IL1RAPL1: variants seen among roughly 807,000 people sequenced by gnomAD.
The protein encoded by IL1RAPL1 is interleukin 1 receptor accessory protein like 1, also known as interleukin-1 receptor accessory protein-like 1.
IL1RAPL1 carries 3 observed loss-of-function variants against 48.4 expected under a neutral mutation model. The observed-to-expected ratio is 0.06, with a 90% CI of 0.03 to 0.16. IL1RAPL1 has a LOEUF of 0.16. Ranked by LOEUF, IL1RAPL1 falls within the 10% of genes least tolerant of loss-of-function variation. The pLI is 1.00. For missense variants in IL1RAPL1, 349 were observed against 530.6 expected, an observed-to-expected ratio of 0.66 and a Z score of 3.36; for synonymous variants, 185 against 187.7, an observed-to-expected ratio of 0.99 and a Z score of 0.12.
chrX:29,057,574 C>A (rs1281662516), intron 2 of IL1RAPL1, among the ~76,000 whole-genome samples: 1 of 110,706 alleles, frequency 9.0e-6, no homozygotes, highest in East Asian at 2.8e-4. Flanking sequence ...ATTACAGGCA[C>A]CTGCCACCAT....
At chrX:28,925,674 G>T (rs1923723409) in intron 2 of IL1RAPL1, among the ~76,000 whole-genome samples, 2 of 112,020 alleles carry the variant, frequency 1.8e-5, no homozygotes, top group African/African-American at 6.5e-5. Context: ...CGCCTGTAAA[G>T]CACTTTGGGA....
chrX:29,289,661 G>A (rs1293664636), intron 3 of IL1RAPL1, among the ~76,000 whole-genome samples: 1 of 112,106 alleles, frequency 8.9e-6, no homozygotes, highest in Non-Finnish European at 1.9e-5. Context: ...TCAATTTGAG[G>A]AGAATTGATA....
rs746314523 is a variant in IL1RAPL1 at position 28,605,250 on chromosome X, A to G, written c.-25+17203A>G. ...GATTTCCAAACACATATATCTAACC[A>G]CTTATTTGACATCATCAGCTATTTG... is the stretch of plus-strand genomic sequence containing the variant. On this transcript the variant is annotated intron_variant, in intron 1 of 10. Transcript: ENST00000378993. Among the ~76,000 whole-genome samples the G allele has an allele frequency of 5.4e-5, 6 of 111,957 alleles. No individual in the cohort carries two copies. The Admixed American group carries it at 5.7e-4, about 11-fold the overall frequency.
chrX:29,303,929 G>T (rs1932576778), intron 3 of IL1RAPL1, among the ~76,000 whole-genome samples: 1 of 111,592 alleles, frequency 9.0e-6, no homozygotes, highest in Admixed American at 9.5e-5. Flanking sequence ...TAACTCTAAT[G>T]CCTATTTTGA....
chrX:28,602,844 C>A (rs1327161097), intron 1 of IL1RAPL1, among the ~76,000 whole-genome samples: 1 of 111,441 alleles, frequency 9.0e-6, no homozygotes, highest in Non-Finnish European at 1.9e-5. Context: ...AATAAAGCCT[C>A]ATCATGTGGC....
At chrX:29,904,061 C>T (rs1389200255) in intron 6 of IL1RAPL1, among the ~76,000 whole-genome samples, 1 of 112,174 alleles carries the variant, frequency 8.9e-6, no homozygotes. Context: ...CTCTCTTCTC[C>T]TTAACTTGTC....
intron 3 of IL1RAPL1, among the ~76,000 whole-genome samples, chrX:29,376,479 C>T (rs1602202989): frequency 9.1e-6 from 1 of 109,938 alleles, no homozygotes; most frequent in Non-Finnish European, 1.9e-5. Flanking sequence ...TCAGGTGATC[C>T]TCACTAGCCA....
intron 2 of IL1RAPL1, among the ~76,000 whole-genome samples, chrX:28,792,373 T>C (rs1005446999): frequency 9.0e-6 from 1 of 111,523 alleles, no homozygotes; most frequent in African/African-American, 3.3e-5. Context: ...TAGATATTGT[T>C]TTCTCATTAA....
chrX:29,817,109 A>G (rs767982642), intron 6 of IL1RAPL1, among the ~76,000 whole-genome samples: 31 of 111,268 alleles, frequency 2.8e-4, no homozygotes, highest in Non-Finnish European at 5.7e-4. Context: ...CAATTCCTAC[A>G]TGCCATCTCA....
intron 2 of IL1RAPL1, among the ~76,000 whole-genome samples, chrX:28,854,647 A>G (rs1921757342): frequency 1.8e-5 from 2 of 111,202 alleles, no homozygotes; most frequent in African/African-American, 6.6e-5. Context: ...GTGGGAAGAG[A>G]CCAAACGCAA....
intron 2 of IL1RAPL1, among the ~76,000 whole-genome samples, chrX:29,095,583 T>C (rs933410510): frequency 1.8e-5 from 2 of 111,430 alleles, no homozygotes; most frequent in Admixed American, 1.9e-4. Context: ...TATTTTAAGT[T>C]AATAGAATTC....
chrX:28,604,602 C>T (rs1378580964), intron 1 of IL1RAPL1, among the ~76,000 whole-genome samples: 2 of 107,360 alleles, frequency 1.9e-5, no homozygotes, highest in Non-Finnish European at 3.8e-5. Context: ...TGGCACGCAC[C>T]TGTAGTCCCA....
chrX:28,635,080 A>G (rs1257694456), intron 1 of IL1RAPL1, among the ~76,000 whole-genome samples: 1 of 112,177 alleles, frequency 8.9e-6, no homozygotes, highest in Admixed American at 9.5e-5. Flanking sequence ...CTCTAAGATC[A>G]AAGTTTCTCT....
chrX:29,694,123 G>A (rs1445376421), intron 6 of IL1RAPL1, among the ~76,000 whole-genome samples: 1 of 111,681 alleles, frequency 9.0e-6, no homozygotes, highest in East Asian at 2.8e-4. Context: ...AGAATCTGTT[G>A]TGTCATCTCT....
chrX:29,050,463 CTA>C (rs1297374564), intron 2 of IL1RAPL1, among the ~76,000 whole-genome samples: 1 of 111,728 alleles, frequency 9.0e-6, no homozygotes, highest in African/African-American at 3.3e-5. Flanking sequence ...CTCATAATCA[CTA>C]TGTTATTATT....
intron 2 of IL1RAPL1, among the ~76,000 whole-genome samples, chrX:29,251,438 G>A (rs1931616836): frequency 9.0e-6 from 1 of 111,541 alleles, no homozygotes; most frequent in African/African-American, 3.3e-5. Context: ...GATAACAGTA[G>A]ACCGTGTATG....
Position 28,723,198 on chromosome X carries a change from A to G in IL1RAPL1, c.-24-66122A>G, listed in dbSNP as rs747888442. On this transcript the variant is annotated intron_variant, in intron 1 of 10. Coordinates refer to ENST00000378993, the MANE Select transcript of IL1RAPL1 (RefSeq NM_014271.4). ...ATCTCCTCCTTGTACCTCTGGTAGA[A>G]TTGGGCTGTGAATCCATCTGGTCCT... Among the ~76,000 whole-genome samples, 3 of 111,101 alleles carry G rather than the reference A, an allele frequency of 2.7e-5. No homozygotes were observed. The South Asian group carries it at 1.1e-3, about 42-fold the overall frequency.
At chrX:29,585,443 A>G (rs763251012) in intron 5 of IL1RAPL1, among the ~76,000 whole-genome samples, 1 of 112,297 alleles carries the variant, frequency 8.9e-6, no homozygotes, top group South Asian at 3.7e-4. Flanking sequence ...CTGTTAATGC[A>G]CATTTAGGTT....
At chrX:28,661,880 A>G (rs775517161) in intron 1 of IL1RAPL1, among the ~76,000 whole-genome samples, 1 of 111,896 alleles carries the variant, frequency 8.9e-6, no homozygotes, top group East Asian at 2.8e-4. Flanking sequence ...TCATGTTTAA[A>G]TTAAATTATG....
Sources: allele counts gnomAD v4.1 joint callset (sites outside exome capture counted in the v4.1 genomes callset), GRCh38; gene constraint gnomAD v4.1.1; transcripts MANE v1.5; gene names NCBI Gene and HGNC (gene_info 2026-07-23, HGNC 2026-07-21).